NALF1: variants seen among roughly 807,000 people sequenced by gnomAD.
NALF1 encodes the protein family with sequence similarity 155 member A.
A neutral mutation model predicts 48.4 loss-of-function variants in NALF1; 3 were observed. The ratio of observed to expected loss-of-function variants is 0.06; its 90% CI spans 0.03 to 0.16. The LOEUF (loss-of-function observed/expected upper bound fraction) is 0.16. NALF1 is among the 10% of genes least tolerant of loss of function. The pLI is 1.00. For missense variants in NALF1, 526 were observed against 571.5 expected (o/e 0.92, Z 0.81); for synonymous variants, 262 against 245.7 (o/e 1.07, Z -0.62).
At chr13:107,447,945 T>A (rs1884677967) in intron 1 of NALF1, among the ~76,000 whole-genome samples, 1 of 152,182 alleles carries the variant, frequency 6.6e-6, no homozygotes, top group South Asian at 2.1e-4. Context: ...CAGAAACATT[T>A]AAAAGTCTTC....
intron 1 of NALF1, among the ~76,000 whole-genome samples, chr13:107,212,380 C>G (rs893038019): frequency 6.6e-6 from 1 of 152,176 alleles, no homozygotes; most frequent in Non-Finnish European, 1.5e-5. Context: ...TGAGTCTTCT[C>G]GTAACAGTGT....
intron 1 of NALF1, among the ~76,000 whole-genome samples, chr13:107,550,902 A>G (rs1034695811): frequency 1.8e-5 from 2 of 111,366 alleles, no homozygotes; most frequent in Non-Finnish European, 2.0e-5. Context: ...TGACATTCAG[A>G]AAAAAAAAAA....
rs374625381 is a variant in NALF1, at chr13:107,723,949, T to C, written c.915+141733A>G. Among the ~76,000 whole-genome samples the C allele has an allele frequency of 2.6e-5, 4 of 152,172 alleles. No homozygotes were observed. The East Asian group carries it at 7.7e-4, about 29-fold the overall frequency. The stretch of plus-strand genomic sequence containing the variant: ...ATATTCTTTAATTTTTTCATGCAAA[T>C]ATTTGATTTCTACATTGATAAAGTT... On this transcript the variant is annotated intron_variant, in intron 1 of 2. Coordinates refer to ENST00000375915, the MANE Select transcript of NALF1 (RefSeq NM_001080396.3).
At chr13:107,551,684 T>C (rs1877298894) in intron 1 of NALF1, among the ~76,000 whole-genome samples, 2 of 152,116 alleles carry the variant, frequency 1.3e-5, no homozygotes, top group African/African-American at 4.8e-5. Flanking sequence ...TTCAAAATCA[T>C]GAAATATGTG....
intron 1 of NALF1, among the ~76,000 whole-genome samples, chr13:107,649,477 T>C (rs568008576): frequency 5.9e-5 from 9 of 152,236 alleles, no homozygotes; most frequent in Non-Finnish European, 1.0e-4. Context: ...TTTAAAATGA[T>C]TGAATCAGAT....
intron 1 of NALF1, among the ~76,000 whole-genome samples, chr13:107,731,312 C>A (rs1273972747): frequency 6.6e-6 from 1 of 152,040 alleles, no homozygotes; most frequent in African/African-American, 2.4e-5. Context: ...CCAACAGTAG[C>A]TTTTATATAT....
chr13:107,695,363 T>C (rs1265989059), intron 1 of NALF1, among the ~76,000 whole-genome samples: 2 of 152,156 alleles, frequency 1.3e-5, no homozygotes, highest in East Asian at 3.9e-4. Context: ...TAGAAACCAA[T>C]ATGCATTAAA....
rs755290908 is a variant in NALF1, at chr13:107,168,192, A to C, written c.*2305T>G. On this transcript the variant is annotated 3_prime_UTR_variant, in exon 3 of 3. Transcript: ENST00000375915. ...GACTCCTTCCTAGCCATTCCCTTAG[A>C]GGTCATCTGAATAAAATCACCCTGT... 1.3e-5 allele frequency: 2 copies of C among 152,216 alleles called. No individual in the cohort carries two copies. The highest frequency in any genetic ancestry group is 2.4e-5 in the African/African-American group (1 of 41,434). 9.4% of individuals were successfully genotyped at this position (152,216 alleles called of 1,614,324 possible). A position where few individuals can be genotyped will look rare whatever the true frequency, so the allele number is the denominator to read the frequency against.
At chr13:107,223,875 A>G (rs1044756112) in intron 1 of NALF1, among the ~76,000 whole-genome samples, 3 of 152,250 alleles carry the variant, frequency 2.0e-5, no homozygotes, top group Admixed American at 6.5e-5. Flanking sequence ...CTAGGAAAGA[A>G]GACTTTTCTC....
At chr13:107,264,808 T>C (rs1481245585) in intron 1 of NALF1, among the ~76,000 whole-genome samples, 1 of 152,244 alleles carries the variant, frequency 6.6e-6, no homozygotes, top group Non-Finnish European at 1.5e-5. Flanking sequence ...GGATTGATGA[T>C]GTTTTAGACT....
At chr13:107,773,657 C>T (rs998286479) in intron 1 of NALF1, among the ~76,000 whole-genome samples, 7 of 138,872 alleles carry the variant, frequency 5.0e-5, no homozygotes, top group African/African-American at 1.9e-4. Context: ...CATGTTCTCA[C>T]TCATAGGTGG....
In NALF1 at chr13:107,165,113, A is replaced by T. The variant is rs1025590431; in HGVS notation, c.*5384T>A. On this transcript the variant is annotated 3_prime_UTR_variant, in exon 3 of 3. Coordinates refer to ENST00000375915, the MANE Select transcript of NALF1 (RefSeq NM_001080396.3). Reference sequence around the variant, plus strand: ...CTAAGATCCTGTGCCTTTTCTCCACATTAAAAATAAAAATTAAAAATCTAT... The same window carrying T: ...CTAAGATCCTGTGCCTTTTCTCCACTTTAAAAATAAAAATTAAAAATCTAT... 2 of 152,184 alleles carry T rather than the reference A, an allele frequency of 1.3e-5. No homozygotes were observed. The highest frequency in any genetic ancestry group is 2.9e-5 in the Non-Finnish European group (2 of 68,034). 9.4% of individuals were successfully genotyped at this position (152,184 alleles called of 1,614,324 possible).
intron 1 of NALF1, among the ~76,000 whole-genome samples, chr13:107,560,772 C>G (rs1877623185): frequency 6.6e-6 from 1 of 152,130 alleles, no homozygotes; most frequent in Non-Finnish European, 1.5e-5. Flanking sequence ...ATTTTAACAT[C>G]TTTATATTTG....
At chr13:107,644,690 T>C (rs1437641126) in intron 1 of NALF1, among the ~76,000 whole-genome samples, 1 of 135,692 alleles carries the variant, frequency 7.4e-6, no homozygotes, top group Non-Finnish European at 1.6e-5. Context: ...TTGCAAATCA[T>C]AGCATGCTCC....
chr13:107,540,390 A>G (rs1876966439), intron 1 of NALF1, among the ~76,000 whole-genome samples: 2 of 152,160 alleles, frequency 1.3e-5, no homozygotes, highest in African/African-American at 2.4e-5. Flanking sequence ...TTTTTAATAT[A>G]CTTATACTAC....
At chr13:107,749,609 CTA>C (rs1566467290) in intron 1 of NALF1, among the ~76,000 whole-genome samples, 1 of 151,680 alleles carries the variant, frequency 6.6e-6, no homozygotes, top group Admixed American at 6.6e-5. Flanking sequence ...ATATAATATA[CTA>C]TATACTATTT....
At chr13:107,546,737 AC>A (rs1004907515) in intron 1 of NALF1, among the ~76,000 whole-genome samples, 3 of 152,170 alleles carry the variant, frequency 2.0e-5, no homozygotes, top group Admixed American at 6.6e-5. Context: ...CAGTAAAATT[AC>A]CTTTTAGGAA....
chr13:107,404,598 T>C (rs561222945), intron 1 of NALF1, among the ~76,000 whole-genome samples: 2 of 152,200 alleles, frequency 1.3e-5, no homozygotes, highest in African/African-American at 4.8e-5. Flanking sequence ...AATTTGGTAT[T>C]GAACAATACA....
chr13:107,391,681 T>C lies in NALF1; in HGVS notation c.916-180926A>G, dbSNP rs182717311. On this transcript the variant is annotated intron_variant, in intron 1 of 2. Transcript: ENST00000375915. ...ACCTTAACCTGAACATTCCTTCTCA[T>C]TGATCTTGTCTTCAGACAAATTCAA... is the stretch of plus-strand genomic sequence containing the variant. 6.4e-3 allele frequency among the ~76,000 whole-genome samples: 980 copies of C among 152,290 alleles called. 2 individuals are homozygous for C. The highest frequency in any genetic ancestry group is 9.9e-3 in the Non-Finnish European group (676 of 68,026).
Sources: gnomAD v4.1 joint callset for allele counts (sites outside exome capture counted in the v4.1 genomes callset) on GRCh38, gnomAD v4.1.1 for gene constraint, MANE v1.5 for transcripts, NCBI Gene and HGNC (gene_info 2026-07-23, HGNC 2026-07-21) for gene names.